MGAT5: variants seen among roughly 807,000 people sequenced by gnomAD.
MGAT5 encodes alpha-1,6-mannosylglycoprotein 6-beta-N-acetylglucosaminyltransferase A.
A neutral mutation model predicts 94.3 loss-of-function variants in MGAT5; 30 were observed. The ratio of observed to expected loss-of-function variants is 0.32; its 90% CI spans 0.24 to 0.43. The LOEUF (loss-of-function observed/expected upper bound fraction) is 0.43. Ranked by LOEUF, MGAT5 falls within the 20% of genes least tolerant of loss-of-function variation. MGAT5 has a pLI of 1.00. For missense variants in MGAT5, 691 were observed against 905.5 expected, an observed-to-expected ratio of 0.76 and a Z score of 3.04; for synonymous variants, 310 against 322.9, an observed-to-expected ratio of 0.96 and a Z score of 0.43.
intron 1 of MGAT5, among the ~76,000 whole-genome samples, chr2:134,195,805 C>T (rs758044715): frequency 3.3e-5 from 5 of 152,098 alleles, no homozygotes; most frequent in Admixed American, 1.3e-4. Flanking sequence ...TCTTATTTTC[C>T]GTAGTGGATT....
intron 12 of MGAT5, among the ~76,000 whole-genome samples, chr2:134,420,458 G>T (rs951734376): frequency 1.3e-5 from 2 of 152,338 alleles, no homozygotes; most frequent in African/African-American, 2.4e-5. Flanking sequence ...TAGAGGCCCA[G>T]ATAACCTGCA....
chr2:134,317,416 C>G, intron 2 of MGAT5, 113 bp from the exon 3 acceptor site: 1 of 619,974 alleles, frequency 1.6e-6, no homozygotes, highest in Non-Finnish European at 2.6e-6. Context: ...AGCATGGCTG[C>G]CAACAGAGAC....
intron 4 of MGAT5, among the ~76,000 whole-genome samples, chr2:134,323,748 G>A (rs750081347): frequency 3.3e-5 from 5 of 151,886 alleles, no homozygotes; most frequent in African/African-American, 9.7e-5. Context: ...CCATAATTTC[G>A]ATACCCTACG....
intron 4 of MGAT5, among the ~76,000 whole-genome samples, chr2:134,331,756 C>T (rs1020912105): frequency 2.6e-5 from 4 of 151,476 alleles, no homozygotes; most frequent in East Asian, 1.9e-4. Context: ...AGCTGTAGGA[C>T]GCTAGGGCTC....
intron 9 of MGAT5, among the ~76,000 whole-genome samples, chr2:134,356,041 A>AT (rs1553453173): frequency 6.6e-6 from 1 of 152,136 alleles, no homozygotes; most frequent in Non-Finnish European, 1.5e-5. Flanking sequence ...GTATAGTTTT[A>AT]TTTATTTTAT....
At chr2:134,176,575 A>T (rs1688476800) in intron 1 of MGAT5, among the ~76,000 whole-genome samples, 3 of 148,470 alleles carry the variant, frequency 2.0e-5, no homozygotes, top group Admixed American at 1.3e-4. Flanking sequence ...TCTGTCTTAA[A>T]AAAAAAAAAA....
chr2:134,143,182 G>A (rs906945169), intron 1 of MGAT5, among the ~76,000 whole-genome samples: 2 of 152,102 alleles, frequency 1.3e-5, no homozygotes, highest in South Asian at 2.1e-4. Context: ...CTGGGGGCAG[G>A]GGCATGGGGA....
At chr2:134,440,320 T>C (rs13005152) in intron 14 of MGAT5, among the ~76,000 whole-genome samples, 2 of 152,048 alleles carry the variant, frequency 1.3e-5, no homozygotes, top group Non-Finnish European at 2.9e-5. Context: ...CTATAATGTT[T>C]AGAATGAAGA....
intron 9 of MGAT5, among the ~76,000 whole-genome samples, chr2:134,359,373 G>A (rs1397480387): frequency 6.6e-6 from 1 of 152,226 alleles, no homozygotes; most frequent in East Asian, 1.9e-4. Flanking sequence ...TCCCAGTGTT[G>A]CCATTTCCTA....
intron 13 of MGAT5, among the ~76,000 whole-genome samples, chr2:134,424,878 A>G (rs1444194837): frequency 6.6e-6 from 1 of 152,276 alleles, no homozygotes; most frequent in South Asian, 2.1e-4. Flanking sequence ...TTCTCTCTGT[A>G]TGTATCTCTG....
At chr2:134,346,913 G>A (rs1688951832) in intron 8 of MGAT5, among the ~76,000 whole-genome samples, 1 of 152,092 alleles carries the variant, frequency 6.6e-6, no homozygotes, top group Admixed American at 6.5e-5. Flanking sequence ...TTAGGGCATG[G>A]CAAGGAGCTC....
intron 1 of MGAT5, among the ~76,000 whole-genome samples, chr2:134,222,203 G>A (rs747235050): frequency 6.6e-6 from 1 of 152,200 alleles, no homozygotes; most frequent in African/African-American, 2.4e-5. Flanking sequence ...CTTTAATTGT[G>A]CCTTTCCTTC....
chr2:134,415,504 T>C (rs922474728), intron 12 of MGAT5, among the ~76,000 whole-genome samples: 10 of 152,230 alleles, frequency 6.6e-5, no homozygotes, highest in Non-Finnish European at 1.5e-4. Flanking sequence ...GAGTTCCTTA[T>C]ATACTTTGGG....
At chr2:134,249,087 T>G (rs1682442562), upstream of MGAT5, among the ~76,000 whole-genome samples, 1 of 152,118 alleles carries the variant, frequency 6.6e-6, no homozygotes, top group Non-Finnish European at 1.5e-5. Context: ...TTCCTTCTGT[T>G]GCTAGGCCCA....
At chr2:134,343,224 C>T (rs1239351551) in intron 7 of MGAT5, among the ~76,000 whole-genome samples, 1 of 152,154 alleles carries the variant, frequency 6.6e-6, no homozygotes, top group Admixed American at 6.5e-5. Context: ...AAAATTTGTT[C>T]AGTATGTCCT....
At chr2:134,317,331 G>A (rs1198296624) in intron 2 of MGAT5, among the ~76,000 whole-genome samples, 198 bp from the exon 3 acceptor site, 1 of 152,102 alleles carries the variant, frequency 6.6e-6, no homozygotes, top group East Asian at 1.9e-4. Context: ...CCAGCCTGTA[G>A]TTGGGCTGTC....
intron 1 of MGAT5, among the ~76,000 whole-genome samples, chr2:134,128,941 T>C (rs111252690): frequency 1.3e-5 from 2 of 152,312 alleles, no homozygotes; most frequent in African/African-American, 4.8e-5. Flanking sequence ...CCGAGTTTCT[T>C]CCTCCTAGTT....
chr2:134,353,195 A>G (rs1353754812), intron 9 of MGAT5, among the ~76,000 whole-genome samples: 1 of 152,006 alleles, frequency 6.6e-6, no homozygotes, highest in Non-Finnish European at 1.5e-5. Context: ...TTTGTTTTTT[A>G]CCACAATAAA....
At chr2:134,390,207 TGTGCATCCCCGTGGATCATCTC>T in intron 10 of MGAT5, among the ~76,000 whole-genome samples, 1 of 152,380 alleles carries the variant, frequency 6.6e-6, no homozygotes, top group Non-Finnish European at 1.5e-5. Context: ...CCTATTTTTT[TGTGCATCCCCGTGGATCATCTC>T]GTGCATCCCC....
Sources: allele counts gnomAD v4.1 joint callset (sites outside exome capture counted in the v4.1 genomes callset), GRCh38; gene constraint gnomAD v4.1.1; transcripts MANE v1.5; gene names NCBI Gene and HGNC (gene_info 2026-07-23, HGNC 2026-07-21).